ACE: variants seen among roughly 807,000 people sequenced by gnomAD.
ACE encodes angiotensin I converting enzyme, also known as angiotensin-converting enzyme.
ACE carries 122 observed loss-of-function variants against 162.3 expected under a neutral mutation model. That is an observed-to-expected ratio of 0.75 (90% CI 0.65 to 0.87). The LOEUF (loss-of-function observed/expected upper bound fraction) is 0.87, where lower values mean the gene tolerates loss of function less well. Among genes scored for constraint, ACE ranks in the 40% least tolerant of loss-of-function variants. The pLI is 0.00. For synonymous variants in ACE, 796 were observed against 720.6 expected (o/e 1.10, Z -1.68); for missense variants, 1,799 against 1,735.1 (o/e 1.04, Z -0.65).
In ACE at chr17:63,478,991, C is replaced by T. The variant is rs745868666; in HGVS notation, c.418-16C>T. 3.1e-6 allele frequency: 5 copies of T among 1,609,294 alleles called. No homozygotes were observed. The South Asian group carries it at 3.3e-5, about 11-fold the overall frequency. On this transcript the variant is annotated splice_polypyrimidine_tract_variant and intron_variant, in intron 2 of 24. Transcript: ENST00000290866. ...GGGGCTGGTCACTGGAGCATTCCTC[C>T]CCTCTGACTCCCCAGTACAACGCCC...
At chr17:63,487,151 CAG>C in intron 15 of ACE, 78 bp downstream of exon 15, 1 of 1,286,488 alleles carries the variant, frequency 7.8e-7, no homozygotes, top group Non-Finnish European at 1.1e-6. Flanking sequence ...GGTGAGAGCA[CAG>C]AGTTGGGTTC....
At position 63,493,995 on chromosome 17, in the gene ACE, T is replaced by G; in HGVS notation, c.3210T>G (p.Asp1070Glu). ...TTATCCCCTTCAGCTACCTCGTCGA[T>G]CAGTGGCGCTGGAGGGTATTTGATG... Reference protein sequence around the residue: ...IAFIPFSYLVDQWRWRVFDGS... With the variant: ...IAFIPFSYLVEQWRWRVFDGS... The change falls in exon 21 of 25, where the codon GAT becomes GAG. Residue 1070 changes from aspartate (D) to glutamate (E), a missense_variant. Coordinates refer to ENST00000290866, the MANE Select transcript of ACE (RefSeq NM_000789.4). The G allele has an allele frequency of 6.2e-7, 1 of 1,614,098 alleles. No individual in the cohort carries two copies. The highest frequency in any genetic ancestry group is 1.6e-4 in the Middle Eastern group (1 of 6,062).
At chr17:63,479,625 C>T (rs935953036) in intron 3 of ACE, 144 bp from the exon 4 acceptor site, 3 of 1,092,534 alleles carry the variant, frequency 2.7e-6, no homozygotes, top group African/African-American at 3.1e-5. Context: ...TCCCACCAGG[C>T]CTGTAGGTGG....
intron 3 of ACE, among the ~76,000 whole-genome samples, 191 bp from the exon 4 acceptor site, chr17:63,479,578 G>C (rs1251912434): frequency 6.6e-6 from 1 of 152,182 alleles, no homozygotes. Context: ...TCTGGGGCAG[G>C]GGCCCTGCCT....
Position 63,488,952 on chromosome 17 carries a change from G to T in ACE, c.2461G>T (p.Ala821Ser), listed in dbSNP as rs2030182044. Residue 821 changes from alanine to serine, a missense_variant, in exon 17 of 25, where the codon GCA (alanine) becomes TCA (serine). Ala to Ser is a moderately conservative substitution (Grantham distance 99). Transcript: ENST00000290866. ...QAARLNGYVD[A>S]GDSWRSMYET... ...TGTCCCCTCTGTAGGCTATGTAGAT[G>T]CAGGGGACTCGTGGAGGTCTATGTA... 1.9e-6 allele frequency: 3 copies of T among 1,614,012 alleles called. No individual in the cohort carries two copies. Among genetic ancestry groups the T allele is most frequent in the Non-Finnish European group, 2.5e-6 (3 of 1,180,052 alleles).
At chr17:63,496,674 C>T (rs2030754303) in intron 23 of ACE, 124 bp from the exon 24 acceptor site, 2 of 1,572,510 alleles carry the variant, frequency 1.3e-6, no homozygotes, top group East Asian at 2.3e-5. Flanking sequence ...TCTCCTTAGG[C>T]ACCTGGAGCC....
chr17:63,489,033 C>T lies in ACE; in HGVS notation c.2542C>T (p.Leu848Phe). ...GCGGCTCTTCCAGGAGCTGCAGCCACTCTACCTCAACCTGCATGCCTACGT... is the reference window on the plus strand; with the variant it reads ...GCGGCTCTTCCAGGAGCTGCAGCCATTCTACCTCAACCTGCATGCCTACGT... ...LERLFQELQP[L>F]YLNLHAYVRR... Residue 848 changes from leucine (L) to phenylalanine (F), a missense_variant, in exon 17 of 25, where the codon CTC (leucine) becomes TTC (phenylalanine). Coordinates refer to ENST00000290866, the MANE Select transcript of ACE (RefSeq NM_000789.4). 6.2e-7 allele frequency: 1 copy of T among 1,614,202 alleles called. No individual in the cohort carries two copies. The highest frequency in any genetic ancestry group is 8.5e-7 in the Non-Finnish European group (1 of 1,180,042).
rs2049663555 is a variant in ACE at position 63,478,993 on chromosome 17, C to T, written c.418-14C>T. On this transcript the variant is annotated splice_polypyrimidine_tract_variant and intron_variant, in intron 2 of 24. Coordinates refer to ENST00000290866, the MANE Select transcript of ACE (RefSeq NM_000789.4). Reference sequence around the variant, plus strand: ...GGCTGGTCACTGGAGCATTCCTCCCCTCTGACTCCCCAGTACAACGCCCTG... The same window carrying T: ...GGCTGGTCACTGGAGCATTCCTCCCTTCTGACTCCCCAGTACAACGCCCTG... The T allele has an allele frequency of 1.9e-6, 3 of 1,610,974 alleles. No homozygotes were observed. Among genetic ancestry groups the T allele is most frequent in the East Asian group, 2.2e-5 (1 of 44,758 alleles).
rs752115897 is a variant in ACE at position 63,483,180 on chromosome 17, GGA to G, written c.1487+9_1487+10del. 1.6e-4 allele frequency: 251 copies of G among 1,613,658 alleles called. 1 individual carries two copies. In the East Asian group the frequency reaches 3.5e-3, roughly 23 times the overall value. ...TCGACTGGTGGTATCTTCGGTGAGA[GGA>G]GGGATAGAAAAGCCTTCGCCCCAGC... On this transcript the variant is annotated splice_region_variant and intron_variant, in intron 9 of 24. Transcript: ENST00000290866.
intron 6 of ACE, 46 bp downstream of exon 6, chr17:63,481,234 G>GCCCGGGGGCGCCC: frequency 1.6e-6 from 1 of 624,018 alleles, no homozygotes; most frequent in African/African-American, 1.9e-5. Flanking sequence ...CGGGGGTGGG[G>GCCCGGGGGCGCCC]CGCAAAAAAA....
chr17:63,497,448 A>AC lies in ACE; in HGVS notation c.*86dup. 1 of 1,254,754 alleles carries AC rather than the reference A, an allele frequency of 8.0e-7. No individual in the cohort carries two copies. The highest frequency in any genetic ancestry group is 1.3e-5 in the South Asian group (1 of 78,068). 77.7% of individuals were successfully genotyped at this position (1,254,754 alleles called of 1,614,324 possible). On this transcript the variant is annotated 3_prime_UTR_variant, in exon 25 of 25. Coordinates refer to ENST00000290866, the MANE Select transcript of ACE (RefSeq NM_000789.4). ...AACACTGGTGGGCAGCTGAGGACACACCCCACACCCCAGCCCACCCTGCTC... is the reference window on the plus strand; with the variant it reads ...AACACTGGTGGGCAGCTGAGGACACACCCCCACACCCCAGCCCACCCTGCTC...
chr17:63,481,749 G>C lies in ACE; in HGVS notation c.1118+11G>C. ...CAGGAAAGACTTCAGGTTCAGACAT[G>C]GGAAGAGCACGTTCTGGGGTTCCCC... On this transcript the variant is annotated intron_variant, in intron 7 of 24. Coordinates refer to ENST00000290866, the MANE Select transcript of ACE (RefSeq NM_000789.4). The C allele has an allele frequency of 6.2e-7, 1 of 1,613,984 alleles. No individual in the cohort carries two copies. The highest frequency in any genetic ancestry group is 8.5e-7 in the Non-Finnish European group (1 of 1,179,996).
intron 19 of ACE, 74 bp from the exon 20 acceptor site, chr17:63,493,362 C>A: frequency 1.4e-6 from 2 of 1,421,258 alleles, no homozygotes; most frequent in Non-Finnish European, 2.0e-6. Context: ...TATAGCAAGG[C>A]CCACTGTTCC....
In ACE at chr17:63,491,281, C is replaced by T; in HGVS notation, c.2812C>T (p.Pro938Ser). The change falls in exon 19 of 25, where the codon CCT (proline) becomes TCT (serine). Residue 938 changes from proline to serine, a missense_variant. Coordinates refer to ENST00000290866, the MANE Select transcript of ACE (RefSeq NM_000789.4). This position sits in a 1 kb window ranked among gnomAD's most constrained non-coding sequence, Gnocchi z 4.4. ...FTSLGLLPVP[P>S]EFWNKSMLEK... ...CTCCCTGGGGCTGCTGCCCGTGCCT[C>T]CTGAGTTCTGGAACAAGTCGATGCT... The T allele has an allele frequency of 6.2e-7, 1 of 1,614,202 alleles. No individual in the cohort carries two copies. The highest frequency in any genetic ancestry group is 1.1e-5 in the South Asian group (1 of 91,086).
In ACE at chr17:63,497,409, G is replaced by T; in HGVS notation, c.*43G>T. On this transcript the variant is annotated 3_prime_UTR_variant, in exon 25 of 25. Coordinates refer to ENST00000290866, the MANE Select transcript of ACE (RefSeq NM_000789.4). ...GGCCCTGCCCAAGGGCCTCCCACCAGAGACTGGGATGGGAACACTGGTGGG... is the reference window on the plus strand; with the variant it reads ...GGCCCTGCCCAAGGGCCTCCCACCATAGACTGGGATGGGAACACTGGTGGG... 6.6e-7 allele frequency: 1 copy of T among 1,513,694 alleles called. No homozygotes were observed. The allele number at this position is 1,513,694 out of a possible 1,614,324, so 93.8% of individuals were successfully genotyped here.
intron 22 of ACE, 184 bp from the exon 23 acceptor site, chr17:63,496,210 C>T (rs950900586): frequency 3.7e-6 from 3 of 818,950 alleles, no homozygotes; most frequent in African/African-American, 3.4e-5. Flanking sequence ...GAGGCTCAGA[C>T]AATGCTAAGA....
intron 17 of ACE, chr17:63,490,309 A>T (rs2030285296): frequency 6.5e-6 from 1 of 154,374 alleles, no homozygotes; most frequent in African/African-American, 2.4e-5. Context: ...CTTTTCTTAC[A>T]CTAAACTCAG....
Position 63,484,591 on chromosome 17 carries a change from T to C in ACE, c.1921+50T>C, listed in dbSNP as rs770835117. On this transcript the variant is annotated intron_variant, in intron 12 of 24. Transcript: ENST00000290866. This position sits in a 1 kb window ranked among gnomAD's most constrained non-coding sequence, Gnocchi z 4.0. ...TGGGGCTAAGGTGGGTCCTCAACTCTGGGCTTGGCCCAGGCCCCAGGTTCC... is the reference window on the plus strand; with the variant it reads ...TGGGGCTAAGGTGGGTCCTCAACTCCGGGCTTGGCCCAGGCCCCAGGTTCC... The C allele has an allele frequency of 9.0e-6, 14 of 1,561,062 alleles. 1 individual carries two copies. Among genetic ancestry groups the C allele is most frequent in the South Asian group, 3.5e-5 (3 of 85,604 alleles).
At chr17:63,495,947 A>C (rs904203593) in intron 22 of ACE, among the ~76,000 whole-genome samples, 2 of 152,246 alleles carry the variant, frequency 1.3e-5, no homozygotes, top group African/African-American at 4.8e-5. Flanking sequence ...GATTTCTACC[A>C]GGGAATTCGT....
Sources: allele counts gnomAD v4.1 joint callset (sites outside exome capture counted in the v4.1 genomes callset), GRCh38; gene constraint gnomAD v4.1.1; non-coding constraint Gnocchi (gnomAD v3.1); transcripts MANE v1.5; gene names NCBI Gene and HGNC (gene_info 2026-07-23, HGNC 2026-07-21).